The following MYO1B variants were observed in gnomAD, a reference collection of about 807,000 sequenced individuals.
The protein encoded by MYO1B is unconventional myosin-Ib.
In MYO1B, 72 loss-of-function variants were observed where a neutral mutation model predicts 159.7. The ratio of observed to expected loss-of-function variants is 0.45; its 90% confidence interval spans 0.37 to 0.55. The LOEUF is 0.55. Among genes scored for constraint, MYO1B ranks in the 20% least tolerant of loss-of-function variants. MYO1B has a pLI of 0.00. For missense variants in MYO1B, 1,062 were observed against 1,364.8 expected, an observed-to-expected ratio of 0.78 and a Z score of 3.50; for synonymous variants, 468 against 473.8, an observed-to-expected ratio of 0.99 and a Z score of 0.16.
chr2:191,272,616 T>C (rs1204799330), intron 1 of MYO1B, among the ~76,000 whole-genome samples: 14 of 152,208 alleles, frequency 9.2e-5, no homozygotes. Flanking sequence ...AGCAGTGCCA[T>C]ATGTTTTCCT....
chr2:191,296,575 T>C (rs1243909510), intron 3 of MYO1B, among the ~76,000 whole-genome samples: 1 of 152,220 alleles, frequency 6.6e-6, no homozygotes, highest in Admixed American at 6.5e-5. Flanking sequence ...ATAGTGTTGT[T>C]GGGCCAAGAA....
chr2:191,367,671 A>G (rs1364327482), intron 11 of MYO1B, among the ~76,000 whole-genome samples: 1 of 152,214 alleles, frequency 6.6e-6, no homozygotes, highest in Non-Finnish European at 1.5e-5. Context: ...AAAAAGCTGG[A>G]CGACATTAAG....
At chr2:191,379,757 T>C (rs186067955) in intron 13 of MYO1B, among the ~76,000 whole-genome samples, 33 of 152,282 alleles carry the variant, frequency 2.2e-4, no homozygotes, top group Admixed American at 2.0e-4. Context: ...AGGTTTTATT[T>C]ATAGTTGCAT....
chr2:191,379,754 A>C lies in MYO1B; in HGVS notation c.1186-1708A>C, dbSNP rs181177260. On this transcript the variant is annotated intron_variant, in intron 13 of 30. Transcript: ENST00000392318. ...TGTTTTACTTTTACTTATAGGTTTT[A>C]TTTATAGTTGCATCATATAGGGACA... 1.3e-5 allele frequency among the ~76,000 whole-genome samples: 2 copies of C among 152,238 alleles called. 1 individual carries two copies. The highest frequency in any genetic ancestry group is 3.9e-4 in the East Asian group (2 of 5,186).
In MYO1B at chr2:191,264,101, TTC is replaced by T. The variant is rs564751801; in HGVS notation, c.-9-12784_-9-12783del. On this transcript the variant is annotated intron_variant, in intron 1 of 30. Transcript: ENST00000392318. ...AATTGACCTAGAAAATGTTTCCAAA[TTC>T]TAATATAATTGTTGATTTTAATCAG... Among the ~76,000 whole-genome samples the T allele has an allele frequency of 3.6e-3, 547 of 152,308 alleles. 9 individuals are homozygous for T. The highest frequency in any genetic ancestry group is 0.012 in the African/African-American group (517 of 41,578).
intron 2 of MYO1B, among the ~76,000 whole-genome samples, chr2:191,285,199 T>A (rs1188199112): frequency 6.6e-6 from 1 of 152,232 alleles, no homozygotes; most frequent in Non-Finnish European, 1.5e-5. Flanking sequence ...AAAATACTTG[T>A]CTCGTGACAC....
chr2:191,305,129 G>A (rs1239020829), intron 3 of MYO1B, among the ~76,000 whole-genome samples: 1 of 152,248 alleles, frequency 6.6e-6, no homozygotes. Context: ...GAGAGCCACA[G>A]TTGGAACCCA....
chr2:191,381,380 T>C (rs1695032943), intron 13 of MYO1B, 82 bp from the exon 14 acceptor site: 1 of 974,608 alleles, frequency 1.0e-6, no homozygotes, highest in African/African-American at 1.6e-5. Context: ...GCATTTCTCA[T>C]GGATTGAGAT....
chr2:191,337,313 C>T (rs1691919411), intron 4 of MYO1B, among the ~76,000 whole-genome samples: 1 of 152,166 alleles, frequency 6.6e-6, no homozygotes, highest in Non-Finnish European at 1.5e-5. Flanking sequence ...GTGATAATTA[C>T]ATGATAATAC....
chr2:191,338,433 A>G (rs1257508787), intron 4 of MYO1B, among the ~76,000 whole-genome samples: 1 of 152,220 alleles, frequency 6.6e-6, no homozygotes, highest in Non-Finnish European at 1.5e-5. Flanking sequence ...TTTATATGCC[A>G]GGAGATATTA....
intron 2 of MYO1B, among the ~76,000 whole-genome samples, chr2:191,281,376 AT>A (rs550300895): frequency 2.0e-3 from 310 of 152,160 alleles, no homozygotes; most frequent in African/African-American, 7.3e-3. Flanking sequence ...CAGAGACTCT[AT>A]TTGCTTTTTA....
At chr2:191,327,158 T>A (rs150699816) in intron 3 of MYO1B, among the ~76,000 whole-genome samples, 27 of 152,322 alleles carry the variant, frequency 1.8e-4, no homozygotes, top group African/African-American at 6.5e-4. Flanking sequence ...TTCCCATTGT[T>A]TATCATTCTT....
At chr2:191,391,225 C>T (rs1200647738) in intron 18 of MYO1B, among the ~76,000 whole-genome samples, 1 of 152,324 alleles carries the variant, frequency 6.6e-6, no homozygotes, top group East Asian at 1.9e-4. Flanking sequence ...CCCCTGAATA[C>T]TGCTGGAGGG....
At chr2:191,378,844 A>G (rs1694872950) in intron 13 of MYO1B, among the ~76,000 whole-genome samples, 1 of 152,244 alleles carries the variant, frequency 6.6e-6, no homozygotes, top group African/African-American at 2.4e-5. Flanking sequence ...ATTTTGGGAT[A>G]AGGGGTGATA....
In MYO1B at chr2:191,398,397, G is replaced by T. The variant is rs1483815221; in HGVS notation, c.2295+1900G>T. 2.9e-5 allele frequency among the ~76,000 whole-genome samples: 3 copies of T among 102,830 alleles called. No homozygotes were observed. In the South Asian group the frequency reaches 1.1e-3, roughly 36 times the overall value. 67.5% of individuals were successfully genotyped at this position (102,830 alleles called of 152,430 possible). On this transcript the variant is annotated intron_variant, in intron 21 of 30. Transcript: ENST00000392318. ...CAGAGGAGCCCCTCACCTCCCGGAC[G>T]GGGCGGCTGGCCGGGCGGGGGGCTG...
intron 9 of MYO1B, among the ~76,000 whole-genome samples, chr2:191,362,614 T>C (rs906225627): frequency 1.1e-4 from 17 of 152,220 alleles, no homozygotes; most frequent in Non-Finnish European, 2.4e-4. Context: ...AGCTTTCTTA[T>C]TCTATTATCC....
intron 7 of MYO1B, among the ~76,000 whole-genome samples, chr2:191,350,782 A>C (rs1481115535): frequency 6.6e-6 from 1 of 151,020 alleles, no homozygotes; most frequent in Non-Finnish European, 1.5e-5. Context: ...TGACTGTGGA[A>C]GTGAAATATT....
intron 11 of MYO1B, among the ~76,000 whole-genome samples, chr2:191,368,968 T>G (rs1011773786): frequency 1.3e-5 from 2 of 152,152 alleles, no homozygotes; most frequent in Non-Finnish European, 2.9e-5. Context: ...AGTGAGATTC[T>G]GTCTCCAAAA....
chr2:191,267,876 C>T (rs551403385), intron 1 of MYO1B, among the ~76,000 whole-genome samples: 1 of 152,300 alleles, frequency 6.6e-6, no homozygotes, highest in African/African-American at 2.4e-5. Flanking sequence ...TCTGATGGTC[C>T]TTTGCCAGTT....
Sources: allele counts gnomAD v4.1 joint callset (sites outside exome capture counted in the v4.1 genomes callset), GRCh38; gene constraint gnomAD v4.1.1; transcripts MANE v1.5; gene names NCBI Gene and HGNC (gene_info 2026-07-23, HGNC 2026-07-21).